The following IGF2BP3 variants were observed in gnomAD, a reference collection of about 807,000 sequenced individuals.
IGF2BP3 encodes insulin like growth factor 2 mRNA binding protein 3, also known as insulin-like growth factor 2 mRNA-binding protein 3.
A neutral mutation model predicts 73.8 loss-of-function variants in IGF2BP3; 9 were observed. The ratio of observed to expected loss-of-function variants is 0.12; its 90% CI spans 0.07 to 0.21. The LOEUF is 0.21. Ranked by LOEUF, IGF2BP3 falls within the 10% of genes least tolerant of loss-of-function variation. The probability of loss-of-function intolerance (pLI) is 1.00; values close to 1 mark genes in which losing one functional copy is unlikely to be tolerated. For missense variants in IGF2BP3, 542 were observed against 714.0 expected (o/e 0.76, Z 2.75); for synonymous variants, 258 against 256.7 (o/e 1.01, Z -0.05).
chr7:23,409,949 A>C (rs1000411808), intron 3 of IGF2BP3, among the ~76,000 whole-genome samples: 1 of 152,138 alleles, frequency 6.6e-6, no homozygotes, highest in Non-Finnish European at 1.5e-5. Context: ...TGGGTTGATC[A>C]CCTGAGGTCA....
intron 10 of IGF2BP3, among the ~76,000 whole-genome samples, chr7:23,329,834 T>C (rs1477023934): frequency 6.6e-6 from 1 of 152,204 alleles, no homozygotes; most frequent in African/African-American, 2.4e-5. Context: ...AACATTCTCA[T>C]TTTAGAATTG....
At chr7:23,440,653 A>G (rs984907353) in intron 2 of IGF2BP3, among the ~76,000 whole-genome samples, 1 of 152,202 alleles carries the variant, frequency 6.6e-6, no homozygotes, top group African/African-American at 2.4e-5. Flanking sequence ...AACATAAGCT[A>G]TCCCGACATA....
chr7:23,347,711 T>C lies in IGF2BP3; in HGVS notation c.707A>G (p.Asn236Ser). 6.2e-7 allele frequency: 1 copy of C among 1,614,092 alleles called. No individual in the cohort carries two copies. Among genetic ancestry groups the C allele is most frequent in the Admixed American group, 1.7e-5 (1 of 60,008 alleles). Residue 236 changes from asparagine (N) to serine (S), a missense_variant, in exon 7 of 15, where the codon AAT (asparagine) becomes AGT (serine). Physicochemically the swap from Asn to Ser is conservative, Grantham distance 46. Transcript: ENST00000258729. The stretch of plus-strand genomic sequence containing the variant: ...AATCGACTTCTCAGCAGCCCCCGCA[T>C]TTTCTTTACGGTGGACATCGATTCT... ...QSKIDVHRKENAGAAEKSITI... is the reference protein window; with the variant it reads ...QSKIDVHRKESAGAAEKSITI...
intron 3 of IGF2BP3, among the ~76,000 whole-genome samples, chr7:23,369,445 T>G (rs1421813540): frequency 6.6e-6 from 1 of 152,198 alleles, no homozygotes; most frequent in Admixed American, 6.5e-5. Context: ...GAGACAGATT[T>G]GAACCTGACT....
intron 2 of IGF2BP3, among the ~76,000 whole-genome samples, chr7:23,462,501 A>G (rs927565092): frequency 1.3e-5 from 2 of 152,078 alleles, no homozygotes; most frequent in Non-Finnish European, 2.9e-5. Flanking sequence ...AGCTGGGACT[A>G]AAGGCGACCG....
At chr7:23,357,888 TTAAC>T (rs2307781) in intron 5 of IGF2BP3, among the ~76,000 whole-genome samples, 7,441 of 152,282 alleles carry the variant, frequency 0.049, 307 homozygotes, top group South Asian at 0.11. Context: ...TCATAGAGCT[TTAAC>T]TAACAGAGGC....
intron 3 of IGF2BP3, among the ~76,000 whole-genome samples, chr7:23,380,288 C>G (rs956314202): frequency 6.6e-6 from 1 of 151,518 alleles, no homozygotes; most frequent in African/African-American, 2.4e-5. Context: ...CTCAGCCTCC[C>G]GAGTACTAGG....
At position 23,341,759 on chromosome 7, in the gene IGF2BP3, A is replaced by G. The variant is rs374274416; in HGVS notation, c.1203+305T>C. 5.3e-5 allele frequency among the ~76,000 whole-genome samples: 8 copies of G among 152,234 alleles called. No homozygotes were observed. The East Asian group carries it at 9.6e-4, about 18-fold the overall frequency. ...CATGTATCCGAGAACTTAGAATAAA[A>G]AAAAAAGAAAAAAGAAAAAAGAAAA... On this transcript the variant is annotated intron_variant, in intron 10 of 14. Transcript: ENST00000258729.
At position 23,388,633 on chromosome 7, in the gene IGF2BP3, T is replaced by G. The variant is rs569543097; in HGVS notation, c.286-26892A>C. 1.6e-4 allele frequency among the ~76,000 whole-genome samples: 23 copies of G among 146,220 alleles called. 1 individual carries two copies. Among genetic ancestry groups the G allele is most frequent in the Admixed American group, 9.1e-4 (13 of 14,228 alleles). On this transcript the variant is annotated intron_variant, in intron 3 of 14. Coordinates refer to ENST00000258729, the MANE Select transcript of IGF2BP3 (RefSeq NM_006547.3). ...TTTTTTTTTTTTTTTTTTTTTCCAG[T>G]CCAAGAACATTCCCCAAGGGAGGAG...
chr7:23,315,765 T>C (rs552803532), intron 12 of IGF2BP3, among the ~76,000 whole-genome samples: 48 of 152,322 alleles, frequency 3.2e-4, no homozygotes, highest in African/African-American at 1.2e-3. Context: ...GCTCTTGAAT[T>C]TGTAAGGAAA....
intron 3 of IGF2BP3, among the ~76,000 whole-genome samples, chr7:23,409,437 C>A (rs74328648): frequency 6.6e-6 from 1 of 152,030 alleles, no homozygotes; most frequent in Non-Finnish European, 1.5e-5. Context: ...AAAGTAAAGA[C>A]AATAGCCACA....
intron 12 of IGF2BP3, among the ~76,000 whole-genome samples, chr7:23,317,229 G>C (rs1784016450): frequency 6.6e-6 from 1 of 152,162 alleles, no homozygotes; most frequent in Non-Finnish European, 1.5e-5. Context: ...TAGAGTCTAT[G>C]GGCAGGGTCT....
chr7:23,436,529 C>A (rs934074524), intron 2 of IGF2BP3, among the ~76,000 whole-genome samples: 3 of 152,126 alleles, frequency 2.0e-5, no homozygotes, highest in Non-Finnish European at 2.9e-5. Flanking sequence ...ATCTAGAAGT[C>A]ACCATCGACA....
At chr7:23,342,308 C>G (rs1003680857) in intron 9 of IGF2BP3, 119 bp from the exon 10 acceptor site, 4 of 1,102,804 alleles carry the variant, frequency 3.6e-6, no homozygotes, top group Non-Finnish European at 5.4e-6. Flanking sequence ...TTGTATAACT[C>G]AAAGCAGATG....
chr7:23,449,119 CT>C (rs57456266), intron 2 of IGF2BP3, among the ~76,000 whole-genome samples: 72,591 of 148,534 alleles, frequency 0.49, 17,916 homozygotes, highest in African/African-American at 0.58. Flanking sequence ...GATTTATTAT[CT>C]TTTTTTTTTT....
At chr7:23,360,754 G>A (rs1383606660) in intron 5 of IGF2BP3, among the ~76,000 whole-genome samples, 2 of 152,164 alleles carry the variant, frequency 1.3e-5, no homozygotes, top group African/African-American at 4.8e-5. Context: ...TTCTGACACA[G>A]AGGACAGTCA....
In IGF2BP3 at chr7:23,361,539, A is replaced by T; in HGVS notation, c.396T>A (p.Ala132=). The change falls in exon 5 of 15, where the codon GCT becomes GCA. Residue 132 remains alanine (A), a synonymous_variant. Coordinates refer to ENST00000258729, the MANE Select transcript of IGF2BP3 (RefSeq NM_006547.3). ...AAAAGCTTCAAGCTGCTTACTGTCT[A>T]GCTTGGTCCTTACTGGAATAGGTTA... ...VNVTYSSKDQ[A]RQALDKLNGF... 1.2e-6 allele frequency: 2 copies of T among 1,611,064 alleles called. No homozygotes were observed. Among genetic ancestry groups the T allele is most frequent in the Middle Eastern group, 4.1e-4 (2 of 4,858 alleles).
intron 6 of IGF2BP3, 102 bp from the exon 7 acceptor site, chr7:23,347,836 A>C: frequency 1.5e-6 from 2 of 1,354,030 alleles, no homozygotes; most frequent in Non-Finnish European, 2.0e-6. Flanking sequence ...TTCAGGGCAA[A>C]GCAGATGACT....
At chr7:23,465,340 ATCTTC>A (rs745634305) in intron 2 of IGF2BP3, among the ~76,000 whole-genome samples, 4 of 152,224 alleles carry the variant, frequency 2.6e-5, no homozygotes, top group African/African-American at 4.8e-5. Context: ...ATCCAATGCA[ATCTTC>A]TCTTTAGTCC....
Sources: allele counts gnomAD v4.1 joint callset (sites outside exome capture counted in the v4.1 genomes callset), GRCh38; gene constraint gnomAD v4.1.1; transcripts MANE v1.5; gene names NCBI Gene and HGNC (gene_info 2026-07-23, HGNC 2026-07-21).